The following NETO2 variants were observed in gnomAD, a reference collection of about 807,000 sequenced individuals.
NETO2 encodes neuropilin and tolloid like 2.
NETO2 carries 28 observed loss-of-function variants against 62.5 expected under a neutral mutation model. That is an observed-to-expected ratio of 0.45 (90% confidence interval 0.33 to 0.61). NETO2 has a LOEUF of 0.61. NETO2 is among the 20% of genes least tolerant of loss of function. The pLI, the probability that NETO2 is intolerant of heterozygous loss-of-function variation, is 0.02. For missense variants in NETO2, 548 were observed against 643.2 expected, an observed-to-expected ratio of 0.85 and a Z score of 1.60; for synonymous variants, 214 against 219.1, an observed-to-expected ratio of 0.98 and a Z score of 0.21.
At chr16:47,129,570 G>C (rs980193189) in intron 2 of NETO2, among the ~76,000 whole-genome samples, 5 of 152,162 alleles carry the variant, frequency 3.3e-5, no homozygotes, top group Admixed American at 2.6e-4. Context: ...AGTTTGCCGT[G>C]TAAGAGAACA....
intron 4 of NETO2, among the ~76,000 whole-genome samples, chr16:47,127,800 A>T (rs1338173455): frequency 6.6e-6 from 1 of 152,244 alleles, no homozygotes; most frequent in African/African-American, 2.4e-5. Flanking sequence ...AATCTCAAAC[A>T]TAATTCTGTG....
intron 6 of NETO2, among the ~76,000 whole-genome samples, chr16:47,111,104 G>C (rs1387839392): frequency 6.6e-6 from 1 of 152,170 alleles, no homozygotes; most frequent in Non-Finnish European, 1.5e-5. Flanking sequence ...CACTCTGGTA[G>C]CGAGCTCTAA....
intron 1 of NETO2, among the ~76,000 whole-genome samples, chr16:47,142,067 A>T (rs995453996): frequency 6.6e-6 from 1 of 152,188 alleles, no homozygotes; most frequent in Non-Finnish European, 1.5e-5. Context: ...TACCGTAGTG[A>T]GGGCGCAATC....
At chr16:47,088,145 C>G (rs1963238375) in intron 7 of NETO2, among the ~76,000 whole-genome samples, 1 of 151,930 alleles carries the variant, frequency 6.6e-6, no homozygotes. Flanking sequence ...CGCTCTGTTG[C>G]CCAGGCTGGA....
intron 1 of NETO2, among the ~76,000 whole-genome samples, chr16:47,142,124 G>A (rs1246264917): frequency 5.9e-5 from 9 of 152,182 alleles, no homozygotes; most frequent in Non-Finnish European, 1.5e-5. Flanking sequence ...AGAAATCCTA[G>A]TGTGCATACG....
intron 4 of NETO2, among the ~76,000 whole-genome samples, chr16:47,126,416 G>A (rs1436542357): frequency 6.6e-6 from 1 of 152,192 alleles, no homozygotes; most frequent in Non-Finnish European, 1.5e-5. Flanking sequence ...ATGACATTCT[G>A]GAAATAGCAA....
chr16:47,112,197 C>A (rs891975522), intron 6 of NETO2, among the ~76,000 whole-genome samples: 1 of 152,100 alleles, frequency 6.6e-6, no homozygotes, highest in African/African-American at 2.4e-5. Context: ...GGACTGCAGG[C>A]ATGGGCCACC....
chr16:47,086,603 A>C (rs1376317142), intron 7 of NETO2, among the ~76,000 whole-genome samples: 3 of 152,200 alleles, frequency 2.0e-5, no homozygotes, highest in Non-Finnish European at 4.4e-5. Context: ...GAACCAGTAT[A>C]CAGTCTGGTA....
intron 8 of NETO2, among the ~76,000 whole-genome samples, chr16:47,085,872 G>A (rs1288518867): frequency 6.6e-6 from 1 of 151,904 alleles, no homozygotes; most frequent in South Asian, 2.1e-4. Context: ...TTGGGAGGCC[G>A]AGGTGGGCAG....
chr16:47,134,717 C>T (rs1964334010), intron 1 of NETO2, among the ~76,000 whole-genome samples: 1 of 152,108 alleles, frequency 6.6e-6, no homozygotes, highest in African/African-American at 2.4e-5. Context: ...ATGTAAGAGG[C>T]CAATAAACTG....
chr16:47,100,987 G>C (rs1382554827), intron 7 of NETO2, among the ~76,000 whole-genome samples: 1 of 152,138 alleles, frequency 6.6e-6, no homozygotes, highest in African/African-American at 2.4e-5. Flanking sequence ...AAACCTGGCA[G>C]AGACACAACA....
intron 6 of NETO2, among the ~76,000 whole-genome samples, chr16:47,111,805 T>C (rs1963807016): frequency 6.6e-6 from 1 of 152,208 alleles, no homozygotes; most frequent in South Asian, 2.1e-4. Context: ...CCAACACTAA[T>C]TAGATCATCT....
At chr16:47,093,199 T>G (rs1203656820) in intron 7 of NETO2, among the ~76,000 whole-genome samples, 3 of 152,186 alleles carry the variant, frequency 2.0e-5, no homozygotes, top group East Asian at 1.9e-4. Flanking sequence ...CTTTCCTGCC[T>G]CCTTTCTCTG....
At chr16:47,108,270 T>C (rs1963715408) in intron 7 of NETO2, among the ~76,000 whole-genome samples, 2 of 152,182 alleles carry the variant, frequency 1.3e-5, no homozygotes, top group African/African-American at 4.8e-5. Flanking sequence ...CAGTAGTAAC[T>C]GTTACAGGCA....
At chr16:47,119,847 A>G (rs889311856) in intron 6 of NETO2, among the ~76,000 whole-genome samples, 1 of 152,082 alleles carries the variant, frequency 6.6e-6, no homozygotes, top group African/African-American at 2.4e-5. Flanking sequence ...GTTTAATTGC[A>G]TTTCTGTCAC....
In NETO2 at chr16:47,129,270, A is replaced by G. The variant is rs573058341; in HGVS notation, c.186T>C (p.Tyr62=). The G allele has an allele frequency of 1.2e-6, 2 of 1,614,094 alleles. No homozygotes were observed. Among genetic ancestry groups the G allele is most frequent in the Admixed American group, 1.7e-5 (1 of 60,014 alleles). The part of the protein sequence containing the change: ...SNGGHFASPN[Y]PDSYPPNKEC... Reference sequence around the variant, plus strand: ...CCTTGTTTGGTGGATATGAGTCAGGATAATTTGGCGAAGCAAAATGACCTC... The same window carrying G: ...CCTTGTTTGGTGGATATGAGTCAGGGTAATTTGGCGAAGCAAAATGACCTC... Residue 62 remains tyrosine (Y), a synonymous_variant, in exon 3 of 9, where the codon TAT becomes TAC. Transcript: ENST00000562435.
At position 47,083,500 on chromosome 16, in the gene NETO2, G is replaced by A. The variant is rs376053669; in HGVS notation, c.1299C>T (p.Arg433=). The change falls in exon 9 of 9, where the codon CGC becomes CGT. Residue 433 remains arginine, a synonymous_variant. Coordinates refer to ENST00000562435, the MANE Select transcript of NETO2 (RefSeq NM_018092.5). ...QKMRRSSTAS[R]CIHDHHCGSQ... is the part of the protein sequence containing the mutation. ...ACCCACAGTGGTGGTCGTGGATGCA[G>A]CGGGAGGCGGTGGAGGAGCGCCGCA... 6 of 1,614,132 alleles carry A rather than the reference G, an allele frequency of 3.7e-6. No homozygotes were observed. In the African/African-American group the frequency reaches 8.0e-5, roughly 22 times the overall value.
intron 1 of NETO2, among the ~76,000 whole-genome samples, chr16:47,138,057 T>C (rs1964394080): frequency 6.6e-6 from 1 of 152,230 alleles, no homozygotes; most frequent in Non-Finnish European, 1.5e-5. Flanking sequence ...GTCTGCATTC[T>C]AGTTATCAAG....
In NETO2 at chr16:47,082,189, T is replaced by C. The variant is rs1414860206; in HGVS notation, c.*1032A>G. 2.6e-5 allele frequency: 4 copies of C among 152,660 alleles called. No individual in the cohort carries two copies. Among genetic ancestry groups the C allele is most frequent in the Non-Finnish European group, 4.4e-5 (3 of 68,026 alleles). 9.5% of individuals were successfully genotyped at this position (152,660 alleles called of 1,614,324 possible). Reference sequence around the variant, plus strand: ...ATTCTTGATAAGAGCTAGAAAAATGTCATGTCCCAGTTAAGAAGCAATCTC... The same window carrying C: ...ATTCTTGATAAGAGCTAGAAAAATGCCATGTCCCAGTTAAGAAGCAATCTC... On this transcript the variant is annotated 3_prime_UTR_variant, in exon 9 of 9. Coordinates refer to ENST00000562435, the MANE Select transcript of NETO2 (RefSeq NM_018092.5).
Sources: allele counts gnomAD v4.1 joint callset (sites outside exome capture counted in the v4.1 genomes callset), GRCh38; gene constraint gnomAD v4.1.1; transcripts MANE v1.5; gene names NCBI Gene and HGNC (gene_info 2026-07-23, HGNC 2026-07-21).